The following SNTG1 variants were observed in gnomAD, a reference collection of about 807,000 sequenced individuals.
SNTG1 encodes gamma-1-syntrophin.
A neutral mutation model predicts 74.7 loss-of-function variants in SNTG1; 39 were observed. The ratio of observed to expected loss-of-function variants is 0.52; its 90% CI spans 0.40 to 0.68. The LOEUF is 0.68. SNTG1 is among the 30% of genes least tolerant of loss of function. The pLI is 0.00. For missense variants in SNTG1, 685 were observed against 609.5 expected, an observed-to-expected ratio of 1.12 and a Z score of -1.30; for synonymous variants, 254 against 217.1, an observed-to-expected ratio of 1.17 and a Z score of -1.49.
At chr8:50,569,809 T>G (rs2094536907) in intron 12 of SNTG1, among the ~76,000 whole-genome samples, 1 of 152,124 alleles carries the variant, frequency 6.6e-6, no homozygotes, top group Non-Finnish European at 1.5e-5. Context: ...GCTGTCTGCT[T>G]GTCTGCATTG....
intron 1 of SNTG1, among the ~76,000 whole-genome samples, chr8:49,973,525 A>G (rs1225273603): frequency 2.0e-5 from 3 of 152,158 alleles, no homozygotes; most frequent in Non-Finnish European, 4.4e-5. Flanking sequence ...ATAAAAAAAA[A>G]AAAAGAAAAG....
intron 2 of SNTG1, among the ~76,000 whole-genome samples, chr8:50,376,729 T>TTATATATATATATATATA (rs375978893): frequency 2.0e-5 from 2 of 100,610 alleles, no homozygotes; most frequent in Non-Finnish European, 4.0e-5. Flanking sequence ...TATTAATAAA[T>TTATATATATATATATATA]TATATATATA....
chr8:50,040,838 G>A (rs1369785900), intron 1 of SNTG1, among the ~76,000 whole-genome samples: 1 of 152,106 alleles, frequency 6.6e-6, no homozygotes, highest in Non-Finnish European at 1.5e-5. Context: ...TGACATTTTT[G>A]TTGTTTAAAA....
At chr8:50,110,768 T>C (rs981316808) in intron 1 of SNTG1, among the ~76,000 whole-genome samples, 2 of 151,902 alleles carry the variant, frequency 1.3e-5, no homozygotes, top group Admixed American at 6.6e-5. Context: ...AAAACAGCCA[T>C]AGACAATACA....
chr8:50,277,830 T>G (rs1265316631), intron 2 of SNTG1, among the ~76,000 whole-genome samples: 1 of 152,190 alleles, frequency 6.6e-6, no homozygotes, highest in Non-Finnish European at 1.5e-5. Context: ...TTTTAATTAA[T>G]TATACCGTAT....
chr8:50,332,357 C>T (rs1360619452), intron 2 of SNTG1, among the ~76,000 whole-genome samples: 3 of 152,016 alleles, frequency 2.0e-5, no homozygotes, highest in Admixed American at 6.6e-5. Context: ...TGGCTTTCCT[C>T]TACAGTGTGC....
intron 1 of SNTG1, among the ~76,000 whole-genome samples, chr8:50,042,230 A>T (rs1022792696): frequency 3.3e-5 from 5 of 152,108 alleles, no homozygotes; most frequent in African/African-American, 1.2e-4. Context: ...TCTCTCTGGG[A>T]TCTGTTCCCA....
chr8:50,084,807 A>T (rs1052589728), intron 1 of SNTG1, among the ~76,000 whole-genome samples: 1 of 152,176 alleles, frequency 6.6e-6, no homozygotes, highest in African/African-American at 2.4e-5. Context: ...GGAGTGTGTT[A>T]GTTATTGCAG....
Position 50,658,667 on chromosome 8 carries a change from T to A in SNTG1, c.1038+4T>A, listed in dbSNP as rs377631905. The A allele has an allele frequency of 2.3e-5, 37 of 1,603,138 alleles. No individual in the cohort carries two copies. The highest frequency in any genetic ancestry group is 4.0e-5 in the African/African-American group (3 of 74,600). On this transcript the variant is annotated splice_donor_region_variant and intron_variant, in intron 15 of 18. Transcript: ENST00000642720. ...GATTATGTGCAAGATCCTCAAGGTA[T>A]GATCAATATGTAGTCAGTATTTGAA... is the stretch of plus-strand genomic sequence containing the variant.
chr8:50,194,417 A>G (rs960008344), intron 2 of SNTG1, among the ~76,000 whole-genome samples: 3 of 152,026 alleles, frequency 2.0e-5, no homozygotes, highest in African/African-American at 7.2e-5. Flanking sequence ...TTTTCCAGGA[A>G]TTACTCATCT....
chr8:50,292,294 A>G (rs2089155215), intron 2 of SNTG1, among the ~76,000 whole-genome samples: 1 of 152,054 alleles, frequency 6.6e-6, no homozygotes. Flanking sequence ...TGAATCCAGG[A>G]CAGGTCAGTT....
intron 4 of SNTG1, among the ~76,000 whole-genome samples, chr8:50,404,008 A>G (rs934723413): frequency 1.8e-4 from 28 of 152,212 alleles, no homozygotes; most frequent in African/African-American, 5.8e-4. Context: ...AAATGGCTTT[A>G]CTTGTAGATT....
chr8:50,378,889 G>A (rs564831558), intron 2 of SNTG1, among the ~76,000 whole-genome samples: 1 of 152,210 alleles, frequency 6.6e-6, no homozygotes, highest in South Asian at 2.1e-4. Flanking sequence ...GGAGCCATAG[G>A]TAGGCCCAGA....
At chr8:50,472,342 C>A (rs956737832) in intron 8 of SNTG1, among the ~76,000 whole-genome samples, 1 of 152,066 alleles carries the variant, frequency 6.6e-6, no homozygotes, top group Non-Finnish European at 1.5e-5. Context: ...TAAAGACAGG[C>A]GCCACATTGT....
In SNTG1 at chr8:50,741,483, A is replaced by G. The variant is rs576329002; in HGVS notation, c.1285-10518A>G. ...GAAAAAGATAATTTAACAGTTTCTC[A>G]CATAACAAAACATACTGTTACCATC... On this transcript the variant is annotated intron_variant, in intron 17 of 18. Transcript: ENST00000642720. Among the ~76,000 whole-genome samples the G allele has an allele frequency of 5.3e-5, 8 of 152,178 alleles. No homozygotes were observed. In the East Asian group the frequency reaches 1.6e-3, roughly 30 times the overall value.
chr8:50,054,085 A>C (rs2130895451), intron 1 of SNTG1, among the ~76,000 whole-genome samples: 1 of 152,182 alleles, frequency 6.6e-6, no homozygotes. Context: ...ATTCTCAATA[A>C]AGAAGACAAA....
At chr8:50,577,580 G>GT (rs5891375) in intron 12 of SNTG1, among the ~76,000 whole-genome samples, 130,696 of 151,592 alleles carry the variant, frequency 0.86, 56,525 homozygotes, top group East Asian at 0.94. Flanking sequence ...AAGGATTGGT[G>GT]TAGTACTTCT....
intron 17 of SNTG1, among the ~76,000 whole-genome samples, chr8:50,728,477 T>C (rs192312621): frequency 6.6e-6 from 1 of 152,292 alleles, no homozygotes; most frequent in Admixed American, 6.5e-5. Flanking sequence ...TGTCTATTCA[T>C]GTCTAAATAA....
chr8:50,304,082 G>A (rs1436781034), intron 2 of SNTG1, among the ~76,000 whole-genome samples: 1 of 152,150 alleles, frequency 6.6e-6, no homozygotes, highest in Non-Finnish European at 1.5e-5. Flanking sequence ...ATGGAATTAA[G>A]AGGTGGGGCC....
Sources: allele counts gnomAD v4.1 joint callset (sites outside exome capture counted in the v4.1 genomes callset), GRCh38; gene constraint gnomAD v4.1.1; transcripts MANE v1.5; gene names NCBI Gene and HGNC (gene_info 2026-07-23, HGNC 2026-07-21).